The following ZBTB20 variants were observed in gnomAD, a reference collection of about 807,000 sequenced individuals.
ZBTB20 encodes the protein zinc finger and BTB domain containing 20, also known as zinc finger and BTB domain-containing protein 20.
In ZBTB20, 9 loss-of-function variants were observed where a neutral mutation model predicts 56.9. The ratio of observed to expected loss-of-function variants is 0.16; its 90% CI spans 0.10 to 0.28. ZBTB20 has a LOEUF of 0.28. Ranked by LOEUF, ZBTB20 falls within the 10% of genes least tolerant of loss-of-function variation. The pLI is 1.00. For synonymous variants in ZBTB20, 417 were observed against 420.7 expected, an observed-to-expected ratio of 0.99 and a Z score of 0.11; for missense variants, 655 against 1,003.0, an observed-to-expected ratio of 0.65 and a Z score of 4.69.
chr3:114,541,264 G>A (rs751517955), intron 6 of ZBTB20, among the ~76,000 whole-genome samples: 4 of 152,090 alleles, frequency 2.6e-5, no homozygotes, highest in Non-Finnish European at 4.4e-5. Flanking sequence ...TGTTAAGGTT[G>A]AGCTTCTAAT....
At chr3:114,668,363 A>T (rs1180893496) in intron 6 of ZBTB20, among the ~76,000 whole-genome samples, 1 of 152,010 alleles carries the variant, frequency 6.6e-6, no homozygotes, top group African/African-American at 2.4e-5. Flanking sequence ...TATGGTTACT[A>T]TGAGGATTAG....
At chr3:114,779,796 A>G (rs1436574460) in intron 5 of ZBTB20, among the ~76,000 whole-genome samples, 1 of 152,198 alleles carries the variant, frequency 6.6e-6, no homozygotes, top group Non-Finnish European at 1.5e-5. Flanking sequence ...ACAAATGAAC[A>G]AGGACTTGTC....
At chr3:114,746,242 T>C (rs562325316) in intron 5 of ZBTB20, among the ~76,000 whole-genome samples, 1 of 152,288 alleles carries the variant, frequency 6.6e-6, no homozygotes, top group Admixed American at 6.5e-5. Flanking sequence ...GGATAGAAAG[T>C]ATCTTCTTTT....
chr3:114,399,461 T>TA lies in ZBTB20; in HGVS notation c.-254-10357dup, dbSNP rs545047637. On this transcript the variant is annotated intron_variant, in intron 7 of 11. Coordinates refer to ENST00000675478, the MANE Select transcript of ZBTB20 (RefSeq NM_001348800.3). ...ATAAAATTCTGTGTCCGTCTTCAGTTAAAATTCGTAACAGTGTATCAGAGT... is the reference window on the plus strand; with the variant it reads ...ATAAAATTCTGTGTCCGTCTTCAGTTAAAAATTCGTAACAGTGTATCAGAGT... 1.6e-3 allele frequency among the ~76,000 whole-genome samples: 238 copies of TA among 152,334 alleles called. 1 individual carries two copies. The highest frequency in any genetic ancestry group is 5.6e-3 in the African/African-American group (232 of 41,592).
intron 5 of ZBTB20, among the ~76,000 whole-genome samples, chr3:114,750,340 T>C (rs1463814963): frequency 6.6e-6 from 1 of 151,574 alleles, no homozygotes; most frequent in Non-Finnish European, 1.5e-5. Flanking sequence ...AATGGGAGAG[T>C]AAAGAGCAAC....
chr3:115,043,333 C>A (rs567281369), intron 2 of ZBTB20, among the ~76,000 whole-genome samples: 3 of 150,966 alleles, frequency 2.0e-5, no homozygotes, highest in Non-Finnish European at 4.4e-5. Flanking sequence ...CCAAGGTGGG[C>A]GGATCACTTG....
chr3:114,761,748 C>T (rs1578752210), intron 5 of ZBTB20, among the ~76,000 whole-genome samples: 4 of 151,234 alleles, frequency 2.6e-5, no homozygotes. Flanking sequence ...GTAGGAGAAT[C>T]GCCTGAACCT....
intron 3 of ZBTB20, among the ~76,000 whole-genome samples, chr3:114,912,948 A>C (rs2075600558): frequency 6.6e-6 from 1 of 152,016 alleles, no homozygotes; most frequent in Non-Finnish European, 1.5e-5. Flanking sequence ...ACTCCATTGC[A>C]TATATGGGCC....
At chr3:114,586,516 A>G (rs531137291) in intron 6 of ZBTB20, among the ~76,000 whole-genome samples, 1 of 152,358 alleles carries the variant, frequency 6.6e-6, no homozygotes, top group Non-Finnish European at 1.5e-5. Flanking sequence ...TTTTGGTGAC[A>G]AGGACCACTT....
chr3:114,652,749 G>A (rs1195770634), intron 6 of ZBTB20, among the ~76,000 whole-genome samples: 1 of 151,934 alleles, frequency 6.6e-6, no homozygotes, highest in Non-Finnish European at 1.5e-5. Flanking sequence ...GATGGTGATT[G>A]CATTGAATCT....
chr3:114,980,279 T>C (rs1281648806), intron 2 of ZBTB20, among the ~76,000 whole-genome samples: 1 of 151,994 alleles, frequency 6.6e-6, no homozygotes, highest in Non-Finnish European at 1.5e-5. Context: ...GTACACAATC[T>C]AACCTGCTTA....
chr3:114,959,072 A>G lies in ZBTB20; in HGVS notation c.-456+15294T>C, dbSNP rs549390825. Among the ~76,000 whole-genome samples the G allele has an allele frequency of 2.6e-4, 40 of 152,240 alleles. 1 individual carries two copies. The highest frequency in any genetic ancestry group is 5.6e-4 in the Non-Finnish European group (38 of 68,018). On this transcript the variant is annotated intron_variant, in intron 3 of 11. Transcript: ENST00000675478. ...CACAAATACTCTGAATGTCTCAACT[A>G]CTTTCCTTCCAGAAACCCAAGAAAA... is the stretch of plus-strand genomic sequence containing the variant.
At chr3:114,380,724 T>G in intron 9 of ZBTB20, 53 bp downstream of exon 9, 1 of 1,466,366 alleles carries the variant, frequency 6.8e-7, no homozygotes, top group Non-Finnish European at 8.9e-7. Context: ...GCATCCCTCT[T>G]CCCCCCTTAG....
chr3:114,399,921 C>G (rs994883693), intron 7 of ZBTB20, among the ~76,000 whole-genome samples: 2 of 151,896 alleles, frequency 1.3e-5, no homozygotes, highest in Non-Finnish European at 2.9e-5. Context: ...CATGAACACT[C>G]TAAAAATGAG....
intron 3 of ZBTB20, among the ~76,000 whole-genome samples, chr3:114,971,437 A>AC (rs1288506427): frequency 1.3e-5 from 2 of 152,258 alleles, no homozygotes; most frequent in Admixed American, 6.5e-5. Context: ...TATAGTACTT[A>AC]CCCCAAATAA....
chr3:114,776,037 T>C (rs1250981048), intron 5 of ZBTB20, among the ~76,000 whole-genome samples: 2 of 139,406 alleles, frequency 1.4e-5, no homozygotes, highest in African/African-American at 5.3e-5. Flanking sequence ...TTTTTCTTTT[T>C]TTTTTTTTTT....
At chr3:115,050,374 GTTT>G (rs1195186891) in intron 2 of ZBTB20, among the ~76,000 whole-genome samples, 2 of 151,632 alleles carry the variant, frequency 1.3e-5, no homozygotes, top group African/African-American at 4.8e-5. Flanking sequence ...CTTCAAAAGA[GTTT>G]TTTTATGATA....
chr3:114,676,264 G>T (rs1011490587), intron 6 of ZBTB20, among the ~76,000 whole-genome samples: 1 of 152,138 alleles, frequency 6.6e-6, no homozygotes, highest in Non-Finnish European at 1.5e-5. Flanking sequence ...AAAAACTTAG[G>T]CTCTGGAGTC....
chr3:115,084,786 A>C (rs758413495), intron 1 of ZBTB20, among the ~76,000 whole-genome samples: 5 of 151,990 alleles, frequency 3.3e-5, no homozygotes, highest in Admixed American at 1.3e-4. Flanking sequence ...AAGTGCACAA[A>C]TATGTTGAGA....
Sources: allele counts gnomAD v4.1 joint callset (sites outside exome capture counted in the v4.1 genomes callset), GRCh38; gene constraint gnomAD v4.1.1; transcripts MANE v1.5; gene names NCBI Gene and HGNC (gene_info 2026-07-23, HGNC 2026-07-21).